Variants in MAPK10 observed in about 807,000 individuals in gnomAD.
MAPK10 encodes the protein JNK3 alpha protein kinase.
MAPK10 carries 25 observed loss-of-function variants against 59.3 expected under a neutral mutation model. That is an observed-to-expected ratio of 0.42 (90% CI 0.31 to 0.59). The LOEUF is 0.59. Among genes scored for constraint, MAPK10 ranks in the 20% least tolerant of loss-of-function variants. MAPK10 has a pLI of 0.15. For synonymous variants in MAPK10, 190 were observed against 200.5 expected (o/e 0.95, Z 0.44); for missense variants, 351 against 568.9 (o/e 0.62, Z 3.90).
chr4:86,390,455 A>G (rs112419178), intron 1 of MAPK10, among the ~76,000 whole-genome samples: 1 of 152,150 alleles, frequency 6.6e-6, no homozygotes, highest in Non-Finnish European at 1.5e-5. Context: ...CCTTCCCCCA[A>G]GCAACTTGGG....
intron 1 of MAPK10, among the ~76,000 whole-genome samples, chr4:86,442,960 T>G (rs1749585873): frequency 6.6e-6 from 1 of 152,128 alleles, no homozygotes; most frequent in African/African-American, 2.4e-5. Flanking sequence ...CATCAAACAC[T>G]TTTATGATCC....
chr4:86,112,979 C>CT (rs532811754), intron 4 of MAPK10, among the ~76,000 whole-genome samples: 6,071 of 146,024 alleles, frequency 0.042, 360 homozygotes, highest in African/African-American at 0.14. Context: ...CCTTCTTTGT[C>CT]TTTTTTTTTT....
chr4:86,310,863 A>G (rs969815030), intron 2 of MAPK10, among the ~76,000 whole-genome samples: 3 of 151,898 alleles, frequency 2.0e-5, no homozygotes, highest in African/African-American at 7.3e-5. Context: ...GGCAATTTTA[A>G]TTATTTACTC....
chr4:86,356,399 G>T, intron 1 of MAPK10: 1 of 291,236 alleles, frequency 3.4e-6, no homozygotes, highest in Non-Finnish European at 5.1e-6. Flanking sequence ...ACCAGAAATA[G>T]TATATGTGTG....
intron 3 of MAPK10, among the ~76,000 whole-genome samples, chr4:86,175,471 C>A (rs2075471480): frequency 1.3e-5 from 2 of 152,072 alleles, no homozygotes; most frequent in South Asian, 4.1e-4. Flanking sequence ...TGGGAGATGA[C>A]TGGATCATGG....
chr4:86,411,058 A>G (rs1457716867), intron 1 of MAPK10, among the ~76,000 whole-genome samples: 2 of 152,184 alleles, frequency 1.3e-5, no homozygotes, highest in African/African-American at 4.8e-5. Context: ...ATTTCTCTCT[A>G]CACACTGCTT....
chr4:86,565,994 G>T (rs1382054450), intron 1 of MAPK10, among the ~76,000 whole-genome samples: 1 of 152,076 alleles, frequency 6.6e-6, no homozygotes, highest in Non-Finnish European at 1.5e-5. Flanking sequence ...TTGCCTAGAC[G>T]GTATCCTTTC....
At chr4:86,321,329 C>T (rs1248187594) in intron 2 of MAPK10, among the ~76,000 whole-genome samples, 1 of 151,614 alleles carries the variant, frequency 6.6e-6, no homozygotes, top group Non-Finnish European at 1.5e-5. Context: ...AGACTTGGAA[C>T]CAACCCAAAT....
intron 2 of MAPK10, among the ~76,000 whole-genome samples, chr4:86,256,829 CT>C (rs1216114038): frequency 6.7e-6 from 1 of 149,328 alleles, no homozygotes; most frequent in Non-Finnish European, 1.5e-5. Flanking sequence ...CAAGCTCCGC[CT>C]CCCGGGTTCA....
intron 1 of MAPK10, among the ~76,000 whole-genome samples, chr4:86,403,167 T>C (rs1471690892): frequency 1.3e-5 from 2 of 152,150 alleles, no homozygotes; most frequent in South Asian, 2.1e-4. Context: ...CTGGATGATA[T>C]GGGAAAAGTG....
chr4:86,141,367 C>G (rs2063608039), intron 4 of MAPK10, among the ~76,000 whole-genome samples: 1 of 152,106 alleles, frequency 6.6e-6, no homozygotes, highest in Non-Finnish European at 1.5e-5. Context: ...ACCCCCTGAG[C>G]TTTTTTAACC....
chr4:86,402,011 G>A (rs994478077), intron 1 of MAPK10, among the ~76,000 whole-genome samples: 13 of 152,172 alleles, frequency 8.5e-5, no homozygotes, highest in East Asian at 1.9e-4. Context: ...AGCATCCTAC[G>A]CCCCCAGCCA....
At chr4:86,569,341 A>G (rs1347228247) in intron 1 of MAPK10, among the ~76,000 whole-genome samples, 1 of 152,204 alleles carries the variant, frequency 6.6e-6, no homozygotes, top group Non-Finnish European at 1.5e-5. Context: ...ACACTTATAC[A>G]CTGTTGGTGG....
rs868817125 is a variant in MAPK10, at chr4:86,437,234, T to A, written c.-122+15796A>T. On this transcript the variant is annotated intron_variant, in intron 1 of 13. Transcript: ENST00000361569. ...GTCTCAAAAAAAAAAAAAAAAAAAA[T>A]GATGTTTGCCCCAGATGTTTTATGG... 1.1e-4 allele frequency among the ~76,000 whole-genome samples: 16 copies of A among 139,964 alleles called. No homozygotes were observed. In the East Asian group the frequency reaches 2.1e-3, roughly 18 times the overall value. 91.8% of individuals were successfully genotyped at this position (139,964 alleles called of 152,430 possible). A position where few individuals can be genotyped will look rare whatever the true frequency, so the allele number is the denominator to read the frequency against.
intron 1 of MAPK10, among the ~76,000 whole-genome samples, chr4:86,410,450 T>C (rs950151303): frequency 2.0e-5 from 3 of 152,228 alleles, no homozygotes; most frequent in African/African-American, 7.2e-5. Flanking sequence ...TCTTTTTCTA[T>C]TGATTGGAAT....
At chr4:86,429,144 C>T (rs1335277407) in intron 1 of MAPK10, among the ~76,000 whole-genome samples, 1 of 151,840 alleles carries the variant, frequency 6.6e-6, no homozygotes, top group African/African-American at 2.4e-5. Flanking sequence ...CTGGGCCTGC[C>T]GCTTGCTTCC....
At chr4:86,567,576 A>G (rs1352832879) in intron 1 of MAPK10, among the ~76,000 whole-genome samples, 1 of 152,222 alleles carries the variant, frequency 6.6e-6, no homozygotes, top group Non-Finnish European at 1.5e-5. Flanking sequence ...AATCTACACT[A>G]TTTGGGTAAT....
At chr4:86,160,674 C>G (rs935499926) in intron 3 of MAPK10, among the ~76,000 whole-genome samples, 8 of 130,460 alleles carry the variant, frequency 6.1e-5, no homozygotes, top group Non-Finnish European at 1.4e-4. Context: ...TACCTCACAA[C>G]TTGTGAGTGT....
intron 2 of MAPK10, among the ~76,000 whole-genome samples, chr4:86,305,645 C>T (rs2095554047): frequency 6.6e-6 from 1 of 151,860 alleles, no homozygotes; most frequent in Non-Finnish European, 1.5e-5. Flanking sequence ...ATGGCAAAAC[C>T]CTGTCTCTAC....
Sources: allele counts gnomAD v4.1 joint callset (sites outside exome capture counted in the v4.1 genomes callset), GRCh38; gene constraint gnomAD v4.1.1; transcripts MANE v1.5; gene names NCBI Gene and HGNC (gene_info 2026-07-23, HGNC 2026-07-21).